Variants in SLCO5A1 observed in about 807,000 individuals in gnomAD.
SLCO5A1 encodes organic anion transporter polypeptide-related protein 4.
SLCO5A1 carries 39 observed loss-of-function variants against 65.1 expected under a neutral mutation model. The ratio of observed to expected loss-of-function variants is 0.60; its 90% CI spans 0.46 to 0.78. The LOEUF (loss-of-function observed/expected upper bound fraction) is 0.78. Among genes scored for constraint, SLCO5A1 ranks in the 30% least tolerant of loss-of-function variants. The probability of loss-of-function intolerance (pLI) is 0.00; values close to 1 mark genes in which losing one functional copy is unlikely to be tolerated. For synonymous variants in SLCO5A1, 438 were observed against 415.7 expected, an observed-to-expected ratio of 1.05 and a Z score of -0.65; for missense variants, 1,029 against 1,069.4, an observed-to-expected ratio of 0.96 and a Z score of 0.53.
Position 69,809,653 on chromosome 8 carries a change from TTTA to T in SLCO5A1, c.907+22111_907+22113del, listed in dbSNP as rs762600358. 4.6e-5 allele frequency among the ~76,000 whole-genome samples: 7 copies of T among 152,130 alleles called. No individual in the cohort carries two copies. The East Asian group carries it at 7.7e-4, about 17-fold the overall frequency. On this transcript the variant is annotated intron_variant, in intron 2 of 9. Coordinates refer to ENST00000260126, the MANE Select transcript of SLCO5A1 (RefSeq NM_030958.3). ...ACCATATCATCATTATTATGCCAAC[TTTA>T]TTATTATTATGATTATGATTATTAT...
intron 6 of SLCO5A1, among the ~76,000 whole-genome samples, chr8:69,690,594 G>A (rs1814218431): frequency 6.6e-6 from 1 of 152,196 alleles, no homozygotes; most frequent in African/African-American, 2.4e-5. Context: ...GTGGTGAAGA[G>A]GAAGCTGAGT....
At chr8:69,680,971 C>A (rs1413900518) in intron 7 of SLCO5A1, among the ~76,000 whole-genome samples, 1 of 152,130 alleles carries the variant, frequency 6.6e-6, no homozygotes, top group Non-Finnish European at 1.5e-5. Flanking sequence ...CACTGTTTGG[C>A]TGTCATGCTC....
chr8:69,795,808 C>G (rs916759061), intron 2 of SLCO5A1, among the ~76,000 whole-genome samples: 1 of 152,228 alleles, frequency 6.6e-6, no homozygotes, highest in African/African-American at 2.4e-5. Context: ...GACCCTGCAG[C>G]AGGCTTCTAC....
chr8:69,773,445 C>G (rs1352907936), intron 2 of SLCO5A1, among the ~76,000 whole-genome samples: 1 of 152,194 alleles, frequency 6.6e-6, no homozygotes, highest in Non-Finnish European at 1.5e-5. Flanking sequence ...CCCACACCCT[C>G]TTCCCTCTCT....
At chr8:69,710,728 A>G (rs938048055) in intron 5 of SLCO5A1, among the ~76,000 whole-genome samples, 1 of 152,174 alleles carries the variant, frequency 6.6e-6, no homozygotes, top group Non-Finnish European at 1.5e-5. Context: ...TTATTTGATT[A>G]TGCATCCTAA....
chr8:69,820,121 T>C (rs144145167), intron 2 of SLCO5A1, among the ~76,000 whole-genome samples: 29 of 152,364 alleles, frequency 1.9e-4, no homozygotes, highest in African/African-American at 6.7e-4. Flanking sequence ...ATCTAAAATC[T>C]GCCTTCTCAA....
At chr8:69,783,449 T>C (rs1042930474) in intron 2 of SLCO5A1, among the ~76,000 whole-genome samples, 1 of 152,000 alleles carries the variant, frequency 6.6e-6, no homozygotes, top group Non-Finnish European at 1.5e-5. Context: ...ACACCTACTC[T>C]GTACCTACGA....
At chr8:69,787,679 C>T (rs1819091915) in intron 2 of SLCO5A1, among the ~76,000 whole-genome samples, 1 of 152,116 alleles carries the variant, frequency 6.6e-6, no homozygotes, top group Non-Finnish European at 1.5e-5. Context: ...CAAATCAGGT[C>T]AGGTTAGGCT....
chr8:69,764,662 CT>C (rs1404526253), intron 2 of SLCO5A1, among the ~76,000 whole-genome samples: 4 of 152,122 alleles, frequency 2.6e-5, no homozygotes, highest in Non-Finnish European at 5.9e-5. Context: ...TAGACTGTAA[CT>C]CAAGAATAGA....
chr8:69,831,224 C>T lies in SLCO5A1; in HGVS notation c.907+543G>A, dbSNP rs1256223263. ...GCAGTGAGCTGAGATCATGCCATTGCACTCCAGCCTGGGTGACAGAGCAAG... is the reference window on the plus strand; with the variant it reads ...GCAGTGAGCTGAGATCATGCCATTGTACTCCAGCCTGGGTGACAGAGCAAG... On this transcript the variant is annotated intron_variant, in intron 2 of 9. Transcript: ENST00000260126. Among the ~76,000 whole-genome samples, 4 of 150,840 alleles carry T rather than the reference C, an allele frequency of 2.7e-5. No homozygotes were observed. In the East Asian group the frequency reaches 7.8e-4, roughly 29 times the overall value.
At chr8:69,817,180 T>A (rs556113100) in intron 2 of SLCO5A1, among the ~76,000 whole-genome samples, 1 of 152,342 alleles carries the variant, frequency 6.6e-6, no homozygotes, top group African/African-American at 2.4e-5. Context: ...CCTTGGCCCC[T>A]GGCAACAACT....
Position 69,781,868 on chromosome 8 carries a change from G to T in SLCO5A1, c.908-19993C>A, listed in dbSNP as rs200787444. 3.4e-4 allele frequency among the ~76,000 whole-genome samples: 51 copies of T among 152,138 alleles called. No individual in the cohort carries two copies. The East Asian group carries it at 9.5e-3, about 28-fold the overall frequency. ...GACGGGGTTTCTCCATGTTGGTCAG[G>T]CTGGTCTTGGACTCCCGACCTCAGG... On this transcript the variant is annotated intron_variant, in intron 2 of 9. Coordinates refer to ENST00000260126, the MANE Select transcript of SLCO5A1 (RefSeq NM_030958.3).
intron 5 of SLCO5A1, among the ~76,000 whole-genome samples, chr8:69,736,796 T>C (rs1332919212): frequency 1.3e-5 from 2 of 152,222 alleles, no homozygotes; most frequent in African/African-American, 4.8e-5. Context: ...AAACTTAGTT[T>C]GGGAAATGCT....
rs560334098 is a variant in SLCO5A1 at position 69,818,021 on chromosome 8, C to T, written c.907+13746G>A. Among the ~76,000 whole-genome samples, 3 of 152,290 alleles carry T rather than the reference C, an allele frequency of 2.0e-5. No individual in the cohort carries two copies. In the East Asian group the frequency reaches 5.8e-4, roughly 29 times the overall value. On this transcript the variant is annotated intron_variant, in intron 2 of 9. Transcript: ENST00000260126. ...CTCAACTGCACAGAGCCTTCTGAGT[C>T]AGGAGAAAATAGAAAGTGGCACTTC...
At chr8:69,819,029 G>C (rs749956749) in intron 2 of SLCO5A1, among the ~76,000 whole-genome samples, 6 of 151,786 alleles carry the variant, frequency 4.0e-5, no homozygotes, top group Non-Finnish European at 8.8e-5. Context: ...GATTTTTTGT[G>C]GTTTACAGAG....
chr8:69,691,918 G>A (rs1814277599), intron 6 of SLCO5A1, among the ~76,000 whole-genome samples: 3 of 152,208 alleles, frequency 2.0e-5, no homozygotes, highest in African/African-American at 7.2e-5. Context: ...ACAATGGCAA[G>A]GAGTTGTGTG....
At position 69,678,047 on chromosome 8, in the gene SLCO5A1, C is replaced by A. The variant is rs541306428; in HGVS notation, c.2024+1331G>T. Among the ~76,000 whole-genome samples the A allele has an allele frequency of 3.3e-5, 5 of 152,302 alleles. No individual in the cohort carries two copies. The South Asian group carries it at 1.0e-3, about 32-fold the overall frequency. On this transcript the variant is annotated intron_variant, in intron 8 of 9. Coordinates refer to ENST00000260126, the MANE Select transcript of SLCO5A1 (RefSeq NM_030958.3). ...GCAGTCCTTACTGTAAATATCAACA[C>A]ACCGATGTGAATGTATCAGCGTGGC...
At chr8:69,783,869 C>T (rs961470892) in intron 2 of SLCO5A1, among the ~76,000 whole-genome samples, 3 of 152,114 alleles carry the variant, frequency 2.0e-5, no homozygotes, top group Middle Eastern at 3.4e-3. Context: ...AGATGTACAC[C>T]AAGAATGAAT....
chr8:69,712,856 T>C (rs1815334872), intron 5 of SLCO5A1, among the ~76,000 whole-genome samples: 2 of 105,426 alleles, frequency 1.9e-5, no homozygotes, highest in Non-Finnish European at 2.0e-5. Context: ...ATATAAAATC[T>C]TTAAGTGATT....
Sources: allele counts gnomAD v4.1 joint callset (sites outside exome capture counted in the v4.1 genomes callset), GRCh38; gene constraint gnomAD v4.1.1; transcripts MANE v1.5; gene names NCBI Gene and HGNC (gene_info 2026-07-23, HGNC 2026-07-21).